CAMTA1: variants seen among roughly 807,000 people sequenced by gnomAD.
CAMTA1 encodes the protein calmodulin binding transcription activator 1, also known as calmodulin-binding transcription activator 1.
A neutral mutation model predicts 170.9 loss-of-function variants in CAMTA1; 27 were observed. The observed-to-expected ratio is 0.16, with a 90% CI of 0.12 to 0.22. CAMTA1 has a LOEUF of 0.22. Among genes scored for constraint, CAMTA1 ranks in the 10% least tolerant of loss-of-function variants. The probability of loss-of-function intolerance (pLI) is 1.00; values close to 1 mark genes in which losing one functional copy is unlikely to be tolerated. For synonymous variants in CAMTA1, 833 were observed against 891.5 expected (o/e 0.93, Z 1.17); for missense variants, 1,619 against 2,217.2 (o/e 0.73, Z 5.42).
chr1:7,594,197 GA>G (rs2095378510), intron 6 of CAMTA1, among the ~76,000 whole-genome samples: 1 of 138,930 alleles, frequency 7.2e-6, no homozygotes, highest in South Asian at 2.5e-4. Context: ...AGAAAGGAGG[GA>G]GGGGAAGGAA....
chr1:7,054,920 G>A (rs1304837896), intron 3 of CAMTA1, among the ~76,000 whole-genome samples: 2 of 152,200 alleles, frequency 1.3e-5, no homozygotes, highest in African/African-American at 4.8e-5. Flanking sequence ...GAGGCCTCAG[G>A]AAACTTACAA....
chr1:6,983,554 T>C (rs764930692), intron 3 of CAMTA1, among the ~76,000 whole-genome samples: 10 of 152,264 alleles, frequency 6.6e-5, no homozygotes, highest in Non-Finnish European at 1.2e-4. Context: ...TGTTAATTTC[T>C]TTTGTATTAT....
At chr1:7,360,672 G>A (rs1574916065) in intron 5 of CAMTA1, among the ~76,000 whole-genome samples, 2 of 152,340 alleles carry the variant, frequency 1.3e-5, no homozygotes, top group East Asian at 3.9e-4. Flanking sequence ...CCCTAGAGCT[G>A]TTTCTTTTCA....
At chr1:6,807,068 C>T (rs1644599047) in intron 1 of CAMTA1, 1 of 661,144 alleles carries the variant, frequency 1.5e-6, no homozygotes, top group Admixed American at 2.1e-5. Context: ...GAAATTTCAG[C>T]TGGGACTCAG....
At chr1:7,164,767 C>T (rs1648023665) in intron 4 of CAMTA1, among the ~76,000 whole-genome samples, 3 of 152,300 alleles carry the variant, frequency 2.0e-5, no homozygotes, top group South Asian at 4.2e-4. Context: ...GATGATTAAT[C>T]GAACTAAGAG....
chr1:6,911,640 C>G (rs933468144), intron 3 of CAMTA1, among the ~76,000 whole-genome samples: 1 of 152,162 alleles, frequency 6.6e-6, no homozygotes. Context: ...CTGAGAAGCC[C>G]CCTGTCCGAG....
chr1:7,100,275 T>G (rs1261411161), intron 4 of CAMTA1, among the ~76,000 whole-genome samples: 1 of 152,222 alleles, frequency 6.6e-6, no homozygotes, highest in East Asian at 1.9e-4. Context: ...CACACTCGTC[T>G]CTGTTCCCCT....
chr1:7,704,145 G>GGCTGCATTGCAGAC (rs2096476199), intron 11 of CAMTA1, among the ~76,000 whole-genome samples: 1 of 150,716 alleles, frequency 6.6e-6, no homozygotes, highest in Non-Finnish European at 1.5e-5. Context: ...TCCTCCCGCC[G>GGCTGCATTGCAGAC]GCTGCATTGC....
chr1:7,648,404 A>G (rs891544629), intron 7 of CAMTA1, among the ~76,000 whole-genome samples: 57 of 151,748 alleles, frequency 3.8e-4, no homozygotes, highest in African/African-American at 1.1e-3. Context: ...AAAAAAAAAA[A>G]AGAGAGAGAG....
chr1:7,564,796 G>C (rs1272119266), intron 6 of CAMTA1, among the ~76,000 whole-genome samples: 2 of 152,008 alleles, frequency 1.3e-5, no homozygotes, highest in Non-Finnish European at 2.9e-5. Context: ...CAAGCAAAAG[G>C]CTGTGAGGAT....
At chr1:7,233,472 T>C (rs928759693) in intron 4 of CAMTA1, among the ~76,000 whole-genome samples, 2 of 152,232 alleles carry the variant, frequency 1.3e-5, no homozygotes, top group Non-Finnish European at 2.9e-5. Flanking sequence ...TTCTCTCTCA[T>C]CTTAAACCCC....
chr1:6,911,605 G>A (rs1312043701), intron 3 of CAMTA1, among the ~76,000 whole-genome samples: 1 of 151,934 alleles, frequency 6.6e-6, no homozygotes, highest in African/African-American at 2.4e-5. Flanking sequence ...TAAATGATCT[G>A]TAAGACAGGT....
Position 7,333,587 on chromosome 1 carries a change from T to G in CAMTA1, c.438+83961T>G, listed in dbSNP as rs763096255. On this transcript the variant is annotated intron_variant, in intron 5 of 22. Transcript: ENST00000303635. This position sits in a 1 kb window ranked among gnomAD's most constrained non-coding sequence, Gnocchi z 4.4. The stretch of plus-strand genomic sequence containing the variant: ...TCATATTGGATCCAGGAAGACAACT[T>G]TGTGAAAGGAAAAGGCTGAGGGGCT... Among the ~76,000 whole-genome samples the G allele has an allele frequency of 6.6e-6, 1 of 152,152 alleles. No homozygotes were observed. Among genetic ancestry groups the G allele is most frequent in the Non-Finnish European group, 1.5e-5 (1 of 68,012 alleles).
chr1:6,831,640 A>G (rs1408304293), intron 3 of CAMTA1, among the ~76,000 whole-genome samples: 1 of 152,200 alleles, frequency 6.6e-6, no homozygotes, highest in East Asian at 1.9e-4. Context: ...AATATGTTCA[A>G]ATCACTTTTG....
At chr1:7,273,043 A>C (rs1043590767) in intron 5 of CAMTA1, among the ~76,000 whole-genome samples, 1 of 152,258 alleles carries the variant, frequency 6.6e-6, no homozygotes, top group Admixed American at 6.5e-5. Flanking sequence ...TGAAAACCAC[A>C]ACAAGATACC....
At chr1:7,069,503 C>G (rs1270783221) in intron 3 of CAMTA1, among the ~76,000 whole-genome samples, 2 of 152,214 alleles carry the variant, frequency 1.3e-5, no homozygotes, top group Non-Finnish European at 2.9e-5. Flanking sequence ...GGAGAATAAA[C>G]ACACGAATTG....
At chr1:7,137,128 C>T (rs1266617975) in intron 4 of CAMTA1, among the ~76,000 whole-genome samples, 1 of 152,072 alleles carries the variant, frequency 6.6e-6, no homozygotes, top group Non-Finnish European at 1.5e-5. Flanking sequence ...GCCCCGGTGC[C>T]TGGGAGTCAT....
intron 1 of CAMTA1, among the ~76,000 whole-genome samples, chr1:6,799,306 C>G (rs1369419620): frequency 6.6e-6 from 1 of 152,156 alleles, no homozygotes; most frequent in Non-Finnish European, 1.5e-5. Context: ...TGGCCTCAAG[C>G]AGTCATCCTG....
chr1:7,052,433 G>A (rs1316444264), intron 3 of CAMTA1, among the ~76,000 whole-genome samples: 1 of 152,018 alleles, frequency 6.6e-6, no homozygotes, highest in African/African-American at 2.4e-5. Flanking sequence ...AGACTACCTG[G>A]CCTTCTCTGC....
Sources: allele counts gnomAD v4.1 joint callset (sites outside exome capture counted in the v4.1 genomes callset), GRCh38; gene constraint gnomAD v4.1.1; non-coding constraint Gnocchi (gnomAD v3.1); transcripts MANE v1.5; gene names NCBI Gene and HGNC (gene_info 2026-07-23, HGNC 2026-07-21).